CSAG1: variants seen among roughly 807,000 people sequenced by gnomAD.
CSAG1 encodes chondrosarcoma associated gene 1, also known as chondrosarcoma-associated gene 1 protein.
CSAG1 carries 4 observed loss-of-function variants against 4.8 expected under a neutral mutation model. The ratio of observed to expected loss-of-function variants is 0.83; its 90% CI spans 0.41 to 1.90. The LOEUF is 1.90. Ranked by LOEUF, CSAG1 falls within the 40% of genes most tolerant of loss-of-function variation. The pLI is 0.03. For missense variants in CSAG1, 69 were observed against 59.5 expected (o/e 1.16, Z -0.53); for synonymous variants, 21 against 23.1 (o/e 0.91, Z 0.26).
chrX:152,728,254 G>C (rs187510510), intron 2 of CSAG1, 30 bp from the exon 3 acceptor site: 3 of 1,188,795 alleles, frequency 2.5e-6, no homozygotes, highest in East Asian at 3.0e-5. Context: ...TATTATGTTA[G>C]TCTTGTGGTA....
intron 2 of CSAG1, among the ~76,000 whole-genome samples, chrX:152,730,009 T>TATATAC (rs1220407757): frequency 1.8e-5 from 1 of 54,982 alleles, no homozygotes; most frequent in African/African-American, 5.9e-5. Flanking sequence ...TATATATATA[T>TATATAC]ACACACATAC....
Position 152,732,504 on chromosome X carries a change from C to G in CSAG1, c.-44G>C, listed in dbSNP as rs782269703. 38 of 1,207,499 alleles carry G rather than the reference C, an allele frequency of 3.1e-5. No individual in the cohort carries two copies. The Admixed American group carries it at 7.7e-4, about 24-fold the overall frequency. On this transcript the variant is annotated splice_region_variant and 5_prime_UTR_variant, in exon 2 of 4. Coordinates refer to ENST00000452779, the MANE Select transcript of CSAG1 (RefSeq NM_001102576.3). Reference sequence around the variant, plus strand: ...GCTGTGCTCTGCTTCCCAAATCAACCCTGTAAATTTATAGAATGGAAACAG... The same window carrying G: ...GCTGTGCTCTGCTTCCCAAATCAACGCTGTAAATTTATAGAATGGAAACAG...
chrX:152,732,291 A>G (rs1556227998), intron 2 of CSAG1, among the ~76,000 whole-genome samples, 154 bp downstream of exon 2: 1 of 112,639 alleles, frequency 8.9e-6, no homozygotes, highest in Non-Finnish European at 1.9e-5. Context: ...AAAAATGTAT[A>G]AGCTGCTTAT....
In CSAG1 at chrX:152,727,525, C is replaced by T. The variant is rs781875316; in HGVS notation, c.*269G>A. Reference sequence around the variant, plus strand: ...TCATTTTATTTCCATCACCATGGGGCATACCCTTTGGGGTGTAAAACGTAC... The same window carrying T: ...TCATTTTATTTCCATCACCATGGGGTATACCCTTTGGGGTGTAAAACGTAC... On this transcript the variant is annotated 3_prime_UTR_variant, in exon 4 of 4. Coordinates refer to ENST00000452779, the MANE Select transcript of CSAG1 (RefSeq NM_001102576.3). 26 of 420,916 alleles carry T rather than the reference C, an allele frequency of 6.2e-5. No homozygotes were observed. The highest frequency in any genetic ancestry group is 5.5e-4 in the Admixed American group (13 of 23,762). 34.7% of individuals were successfully genotyped at this position (420,916 alleles called of 1,213,427 possible).
intron 1 of CSAG1, 114 bp from the exon 2 acceptor site, chrX:152,732,618 T>C: frequency 1.1e-6 from 1 of 930,088 alleles, no homozygotes; most frequent in Non-Finnish European, 1.5e-6. Flanking sequence ...GAGCTGGTAC[T>C]TGTGTGTGAC....
In CSAG1 at chrX:152,727,871, G is replaced by C; in HGVS notation, c.168-8C>G. Reference sequence around the variant, plus strand: ...CTGGGTTGTCTTGGGAACCTGGAAAGCCAACAGGGAGATCACAGGAGGGCA... The same window carrying C: ...CTGGGTTGTCTTGGGAACCTGGAAACCCAACAGGGAGATCACAGGAGGGCA... On this transcript the variant is annotated splice_polypyrimidine_tract_variant and splice_region_variant and intron_variant, in intron 3 of 3. Transcript: ENST00000452779. 8.3e-7 allele frequency: 1 copy of C among 1,208,944 alleles called. No individual in the cohort carries two copies. Among genetic ancestry groups the C allele is most frequent in the Non-Finnish European group, 1.1e-6 (1 of 893,058 alleles).
chrX:152,732,991 G>A (rs1603456846), intron 1 of CSAG1: 1 of 114,813 alleles, frequency 8.7e-6, no homozygotes, highest in Non-Finnish European at 1.8e-5. Context: ...GTAGGTGTTA[G>A]TTCGTAGAAA....
At chrX:152,730,588 C>G (rs1357139207) in intron 2 of CSAG1, among the ~76,000 whole-genome samples, 1 of 111,842 alleles carries the variant, frequency 8.9e-6, no homozygotes, top group East Asian at 2.8e-4. Flanking sequence ...ATGAAATCTG[C>G]CAGCACCTTG....
chrX:152,733,255 G>A (rs1284716811), intron 1 of CSAG1: 12 of 111,816 alleles, frequency 1.1e-4, no homozygotes, highest in Admixed American at 8.4e-4. Context: ...ATGCACAGAC[G>A]TTACAGAAAC....
rs1932043402 is a variant in CSAG1, at chrX:152,727,678, T to C, written c.*116A>G. 1 of 943,085 alleles carries C rather than the reference T, an allele frequency of 1.1e-6. No homozygotes were observed. The highest frequency in any genetic ancestry group is 1.5e-6 in the Non-Finnish European group (1 of 653,015). The allele number at this position is 943,085 out of a possible 1,213,427, so 77.7% of individuals were successfully genotyped here. A position where few individuals can be genotyped will look rare whatever the true frequency, so the allele number is the denominator to read the frequency against. On this transcript the variant is annotated 3_prime_UTR_variant, in exon 4 of 4. Coordinates refer to ENST00000452779, the MANE Select transcript of CSAG1 (RefSeq NM_001102576.3). ...AGCACTGGAGAAGGCGGTGGTCTCCTTGCCCTTGTGGTCCTGCTATGGCGC... is the reference window on the plus strand; with the variant it reads ...AGCACTGGAGAAGGCGGTGGTCTCCCTGCCCTTGTGGTCCTGCTATGGCGC...
At position 152,729,843 on chromosome X, in the gene CSAG1, T is replaced by C. The variant is rs1398834886; in HGVS notation, c.17-1619A>G. Among the ~76,000 whole-genome samples, 12 of 110,153 alleles carry C rather than the reference T, an allele frequency of 1.1e-4. No homozygotes were observed. In the East Asian group the frequency reaches 1.4e-3, roughly 13 times the overall value. On this transcript the variant is annotated intron_variant, in intron 2 of 3. Coordinates refer to ENST00000452779, the MANE Select transcript of CSAG1 (RefSeq NM_001102576.3). Reference sequence around the variant, plus strand: ...TAAAAAACGGAACATAGACTTAGCGTAAGATTCAGCAGCCATACTCAATCA... The same window carrying C: ...TAAAAAACGGAACATAGACTTAGCGCAAGATTCAGCAGCCATACTCAATCA...
In CSAG1 at chrX:152,732,307, C is replaced by T. The variant is rs185602801; in HGVS notation, c.16+138G>A. ...AAAATGTATAAGCTGCTTATAGAGG[C>T]AACTATCGAAGTATACTGACATATT... On this transcript the variant is annotated intron_variant, in intron 2 of 3. Transcript: ENST00000452779. The T allele has an allele frequency of 4.1e-5, 33 of 799,693 alleles. No individual in the cohort carries two copies. The African/African-American group carries it at 6.1e-4, about 15-fold the overall frequency. 65.9% of individuals were successfully genotyped at this position (799,693 alleles called of 1,213,427 possible). A position where few individuals can be genotyped will look rare whatever the true frequency, so the allele number is the denominator to read the frequency against.
chrX:152,731,518 C>T (rs2124967556), intron 2 of CSAG1, among the ~76,000 whole-genome samples: 1 of 111,892 alleles, frequency 8.9e-6, no homozygotes, highest in East Asian at 2.8e-4. Context: ...TCTTCCAAAA[C>T]ATACAAAAGA....
chrX:152,731,389 C>A (rs1480363866), intron 2 of CSAG1, among the ~76,000 whole-genome samples: 2 of 112,261 alleles, frequency 1.8e-5, no homozygotes, highest in Non-Finnish European at 3.8e-5. Flanking sequence ...TTAAACTATA[C>A]AAACTGAAAC....
At chrX:152,732,306 G>A (rs1932174336) in intron 2 of CSAG1, 139 bp downstream of exon 2, 2 of 786,711 alleles carry the variant, frequency 2.5e-6, no homozygotes, top group East Asian at 4.1e-5. Flanking sequence ...GCTTATAGAG[G>A]CAACTATCGA....
chrX:152,729,825 C>T (rs1230504887), intron 2 of CSAG1, among the ~76,000 whole-genome samples: 27 of 109,967 alleles, frequency 2.5e-4, no homozygotes, highest in African/African-American at 8.3e-4. Flanking sequence ...TCTTAAAAAA[C>T]GGAACATAGA....
chrX:152,733,356 G>A (rs1435382636), intron 1 of CSAG1: 8 of 112,240 alleles, frequency 7.1e-5, no homozygotes, highest in Non-Finnish European at 9.4e-5. Flanking sequence ...CCTCCCCCAC[G>A]TAGTGGGACC....
chrX:152,728,053 G>A (rs1932057980), intron 3 of CSAG1, 21 bp downstream of exon 3: 2 of 1,211,312 alleles, frequency 1.7e-6, no homozygotes, highest in South Asian at 1.8e-5. Context: ...AGGGATGAGA[G>A]GATGCTTTCC....
chrX:152,733,187 C>G (rs1932200562), intron 1 of CSAG1: 1 of 111,695 alleles, frequency 9.0e-6, no homozygotes, highest in Non-Finnish European at 1.9e-5. Flanking sequence ...TCCCGCCCTG[C>G]AGGGAGCTCC....
Sources: allele counts gnomAD v4.1 joint callset (sites outside exome capture counted in the v4.1 genomes callset), GRCh38; gene constraint gnomAD v4.1.1; transcripts MANE v1.5; gene names NCBI Gene and HGNC (gene_info 2026-07-23, HGNC 2026-07-21).